The following ARMH4 variants were observed in gnomAD, a reference collection of about 807,000 sequenced individuals.
The protein encoded by ARMH4 is armadillo-like helical domain-containing protein 4.
ARMH4 carries 49 observed loss-of-function variants against 61.9 expected under a neutral mutation model. The observed-to-expected ratio is 0.79, with a 90% CI of 0.63 to 1.00. The LOEUF is 1.00. Among genes scored for constraint, ARMH4 ranks in the 50% least tolerant of loss-of-function variants. The pLI is 0.00. For synonymous variants in ARMH4, 368 were observed against 341.5 expected, an observed-to-expected ratio of 1.08 and a Z score of -0.85; for missense variants, 934 against 930.0, an observed-to-expected ratio of 1.00 and a Z score of -0.06.
intron 3 of ARMH4, among the ~76,000 whole-genome samples, chr14:58,132,771 G>C (rs1465591496): frequency 6.6e-6 from 1 of 151,886 alleles, no homozygotes; most frequent in Non-Finnish European, 1.5e-5. Context: ...ATTTTTAGTA[G>C]AGACGGGGTT....
At chr14:58,041,029 G>C (rs1446604808) in intron 5 of ARMH4, among the ~76,000 whole-genome samples, 1 of 152,216 alleles carries the variant, frequency 6.6e-6, no homozygotes, top group Non-Finnish European at 1.5e-5. Flanking sequence ...ACAGCTCCCA[G>C]CGTGAGCGAC....
intron 5 of ARMH4, among the ~76,000 whole-genome samples, chr14:58,071,164 T>C (rs912134736): frequency 6.7e-6 from 1 of 149,664 alleles, no homozygotes; most frequent in Non-Finnish European, 1.5e-5. Context: ...TTATATATAT[T>C]ATATACAATA....
At chr14:58,104,447 A>G (rs1051986466) in intron 4 of ARMH4, among the ~76,000 whole-genome samples, 2 of 152,334 alleles carry the variant, frequency 1.3e-5, no homozygotes, top group South Asian at 4.1e-4. Context: ...AAGTTTTGGT[A>G]ACTGTGTGGA....
intron 5 of ARMH4, among the ~76,000 whole-genome samples, chr14:58,089,581 C>A (rs1437782744): frequency 6.6e-6 from 1 of 152,138 alleles, no homozygotes; most frequent in Non-Finnish European, 1.5e-5. Context: ...AGCTAATGAA[C>A]CTGATAAATT....
At chr14:58,102,019 G>C (rs1475280190) in intron 4 of ARMH4, among the ~76,000 whole-genome samples, 1 of 152,160 alleles carries the variant, frequency 6.6e-6, no homozygotes, top group Admixed American at 6.5e-5. Context: ...GGCCTGCTGG[G>C]CTGGGTAGTG....
intron 4 of ARMH4, among the ~76,000 whole-genome samples, chr14:58,099,674 T>C (rs1390964074): frequency 6.6e-6 from 1 of 152,044 alleles, no homozygotes; most frequent in Non-Finnish European, 1.5e-5. Context: ...GGGTCAAGGG[T>C]AGGGTCTTAA....
chr14:58,141,470 A>T, intron 1 of ARMH4: 1 of 540,186 alleles, frequency 1.9e-6, no homozygotes, highest in South Asian at 1.4e-5. Context: ...ATCCAGAAAG[A>T]GTCCACCCTA....
chr14:58,026,618 G>A (rs1883029844), intron 5 of ARMH4, among the ~76,000 whole-genome samples: 1 of 152,110 alleles, frequency 6.6e-6, no homozygotes, highest in African/African-American at 2.4e-5. Context: ...TCAAGTTTGT[G>A]TGACTTGCTT....
intron 4 of ARMH4, among the ~76,000 whole-genome samples, chr14:58,113,598 C>T (rs1027475524): frequency 1.3e-5 from 2 of 151,934 alleles, no homozygotes; most frequent in Non-Finnish European, 2.9e-5. Context: ...CTCCGTATCT[C>T]TTCCATTCTC....
intron 1 of ARMH4, among the ~76,000 whole-genome samples, chr14:58,147,316 GTTT>G (rs33969627): frequency 1.1e-4 from 15 of 132,532 alleles, no homozygotes; most frequent in South Asian, 2.4e-4. Flanking sequence ...AATCCAGATG[GTTT>G]TTTTTTTTTT....
Position 58,064,231 on chromosome 14 carries a change from C to T in ARMH4, c.2089+32493G>A, listed in dbSNP as rs535196728. ...TCCCTGAATAGCTTAACATAGGATC[C>T]TAAGTAAAACTCTAATTAGAAAATT... On this transcript the variant is annotated intron_variant, in intron 5 of 7. Coordinates refer to ENST00000267485, the MANE Select transcript of ARMH4 (RefSeq NM_001001872.4). 4.7e-5 allele frequency among the ~76,000 whole-genome samples: 7 copies of T among 149,950 alleles called. No homozygotes were observed. The South Asian group carries it at 1.5e-3, about 31-fold the overall frequency.
intron 5 of ARMH4, among the ~76,000 whole-genome samples, chr14:58,092,821 G>GTTTT (rs374588899): frequency 1.4e-5 from 2 of 143,120 alleles, no homozygotes; most frequent in African/African-American, 2.6e-5. Flanking sequence ...TTCCCTTTTT[G>GTTTT]TTTTTTTTTT....
intron 4 of ARMH4, chr14:58,100,995 G>T: frequency 5.6e-6 from 1 of 179,302 alleles, no homozygotes; most frequent in South Asian, 1.4e-4. Flanking sequence ...ATGTTGACCA[G>T]AAGGATTAAG....
chr14:58,100,604 T>C (rs549542927), intron 4 of ARMH4, among the ~76,000 whole-genome samples: 6 of 152,242 alleles, frequency 3.9e-5, no homozygotes, highest in African/African-American at 1.4e-4. Context: ...GGAAACATGA[T>C]GGAAATTTAG....
intron 5 of ARMH4, among the ~76,000 whole-genome samples, chr14:58,063,810 G>T (rs553000085): frequency 3.9e-4 from 60 of 152,236 alleles, no homozygotes; most frequent in South Asian, 1.0e-3. Flanking sequence ...ACTGACAGAG[G>T]CAAGCAGTGG....
At chr14:58,128,379 CATT>C (rs1886973070) in intron 4 of ARMH4, among the ~76,000 whole-genome samples, 1 of 152,102 alleles carries the variant, frequency 6.6e-6, no homozygotes, top group African/African-American at 2.4e-5. Context: ...TAAAATTTGT[CATT>C]ATCCCATTTT....
chr14:58,049,538 A>G (rs1884065887), intron 5 of ARMH4, among the ~76,000 whole-genome samples: 1 of 152,170 alleles, frequency 6.6e-6, no homozygotes, highest in African/African-American at 2.4e-5. Flanking sequence ...GGGGTGATTC[A>G]ATCAACCTTT....
At chr14:58,142,438 C>T (rs1376186489) in intron 1 of ARMH4, among the ~76,000 whole-genome samples, 2 of 151,716 alleles carry the variant, frequency 1.3e-5, no homozygotes, top group South Asian at 2.1e-4. Context: ...TTCCTTCCTT[C>T]CTCCTTTTTT....
At chr14:58,120,336 A>G (rs1029552577) in intron 4 of ARMH4, among the ~76,000 whole-genome samples, 5 of 151,938 alleles carry the variant, frequency 3.3e-5, no homozygotes, top group African/African-American at 1.2e-4. Context: ...AATCTATAAC[A>G]CAAACACTCC....
Sources: allele counts gnomAD v4.1 joint callset (sites outside exome capture counted in the v4.1 genomes callset), GRCh38; gene constraint gnomAD v4.1.1; transcripts MANE v1.5; gene names NCBI Gene and HGNC (gene_info 2026-07-23, HGNC 2026-07-21).